The following GSK3B variants were observed in gnomAD, a reference collection of about 807,000 sequenced individuals.
The protein encoded by GSK3B is glycogen synthase kinase 3 beta.
A neutral mutation model predicts 56.4 loss-of-function variants in GSK3B; 15 were observed. The ratio of observed to expected loss-of-function variants is 0.27; its 90% confidence interval spans 0.18 to 0.41. GSK3B has a LOEUF of 0.41. Among genes scored for constraint, GSK3B ranks in the 10% least tolerant of loss-of-function variants. The pLI is 1.00. For synonymous variants in GSK3B, 181 were observed against 188.9 expected (o/e 0.96, Z 0.34); for missense variants, 300 against 513.4 (o/e 0.58, Z 4.02).
In GSK3B at chr3:120,094,133, G is replaced by A; in HGVS notation, c.-699C>T. The A allele has an allele frequency of 4.3e-6, 1 of 230,064 alleles. No individual in the cohort carries two copies. Among genetic ancestry groups the A allele is most frequent in the Non-Finnish European group, 8.7e-6 (1 of 115,430 alleles). 14.3% of individuals were successfully genotyped at this position (230,064 alleles called of 1,614,324 possible). A position where few individuals can be genotyped will look rare whatever the true frequency, so the allele number is the denominator to read the frequency against. On this transcript the variant is annotated 5_prime_UTR_variant, in exon 1 of 11. Coordinates refer to ENST00000264235, the MANE Select transcript of GSK3B (RefSeq NM_001146156.2). ...AGCGGCCATGGCGGTGGCGGAGGCAGCTCCCTTCAGACCCCAGGCAGCGGC... is the reference window on the plus strand; with the variant it reads ...AGCGGCCATGGCGGTGGCGGAGGCAACTCCCTTCAGACCCCAGGCAGCGGC...
At chr3:120,061,945 T>C (rs980927054) in intron 1 of GSK3B, among the ~76,000 whole-genome samples, 1 of 152,100 alleles carries the variant, frequency 6.6e-6, no homozygotes. Flanking sequence ...TTGGTCACGG[T>C]GGTCTCGAAC....
At chr3:119,828,829 T>C (rs2055557441) in intron 10 of GSK3B, among the ~76,000 whole-genome samples, 1 of 152,242 alleles carries the variant, frequency 6.6e-6, no homozygotes, top group Non-Finnish European at 1.5e-5. Flanking sequence ...ATGTGAATGA[T>C]TAGGTTTAAT....
intron 10 of GSK3B, among the ~76,000 whole-genome samples, chr3:119,842,559 A>C (rs765067760): frequency 6.6e-6 from 1 of 152,198 alleles, no homozygotes; most frequent in Non-Finnish European, 1.5e-5. Flanking sequence ...TTTCAGCTAT[A>C]AACATCTCAT....
intron 1 of GSK3B, among the ~76,000 whole-genome samples, chr3:120,009,443 T>C (rs776655846): frequency 2.6e-5 from 4 of 152,138 alleles, no homozygotes; most frequent in Non-Finnish European, 4.4e-5. Flanking sequence ...CAAATGTCCA[T>C]CAGTGATAGA....
At chr3:119,947,215 G>C in intron 3 of GSK3B, 53 bp downstream of exon 3, 1 of 1,078,628 alleles carries the variant, frequency 9.3e-7, no homozygotes, top group Non-Finnish European at 1.4e-6. Flanking sequence ...TTAATTTCTA[G>C]AAAAATAACA....
chr3:119,972,446 G>T (rs1158996478), intron 2 of GSK3B, among the ~76,000 whole-genome samples: 1 of 151,654 alleles, frequency 6.6e-6, no homozygotes, highest in Non-Finnish European at 1.5e-5. Flanking sequence ...TTGTTTGTTT[G>T]TTTTTTTGAG....
intron 1 of GSK3B, among the ~76,000 whole-genome samples, chr3:120,071,090 G>A (rs1217140817): frequency 1.3e-5 from 2 of 152,184 alleles, no homozygotes; most frequent in African/African-American, 2.4e-5. Flanking sequence ...AGTCCTTTGA[G>A]GGATGCTATA....
chr3:120,080,568 T>A (rs1338220563), intron 1 of GSK3B, among the ~76,000 whole-genome samples: 1 of 152,114 alleles, frequency 6.6e-6, no homozygotes, highest in Non-Finnish European at 1.5e-5. Context: ...CAGTGGCTCA[T>A]GCCTGTAATC....
intron 2 of GSK3B, among the ~76,000 whole-genome samples, chr3:119,967,578 T>A (rs1192058073): frequency 1.3e-5 from 2 of 152,084 alleles, no homozygotes; most frequent in Non-Finnish European, 2.9e-5. Context: ...GAAAGAGAAT[T>A]CAGAGTCCAA....
chr3:120,039,885 G>A (rs938000646), intron 1 of GSK3B, among the ~76,000 whole-genome samples: 3 of 152,088 alleles, frequency 2.0e-5, no homozygotes, highest in Admixed American at 6.5e-5. Flanking sequence ...ACAAATCTGC[G>A]GGCTCATCCG....
chr3:119,877,264 GCTGTCC>G (rs1305239133), intron 7 of GSK3B, among the ~76,000 whole-genome samples: 2 of 152,074 alleles, frequency 1.3e-5, no homozygotes, highest in Non-Finnish European at 2.9e-5. Flanking sequence ...AGATTATACA[GCTGTCC>G]CTTGGTATTC....
At chr3:119,901,530 A>C (rs2056625117) in intron 7 of GSK3B, among the ~76,000 whole-genome samples, 1 of 152,204 alleles carries the variant, frequency 6.6e-6, no homozygotes, top group Admixed American at 6.5e-5. Context: ...AGTGAGGAAA[A>C]TTAAAAATGT....
intron 10 of GSK3B, among the ~76,000 whole-genome samples, chr3:119,827,630 A>G (rs1200942186): frequency 6.6e-6 from 1 of 151,470 alleles, no homozygotes; most frequent in Non-Finnish European, 1.5e-5. Context: ...GAGAAGAAAG[A>G]AAAGAGAAAA....
intron 9 of GSK3B, among the ~76,000 whole-genome samples, chr3:119,844,347 CAG>C (rs1577310590): frequency 7.2e-6 from 1 of 138,006 alleles, no homozygotes; most frequent in Non-Finnish European, 1.6e-5. Context: ...CAGAAGGAGA[CAG>C]AGACACAAAA....
intron 1 of GSK3B, among the ~76,000 whole-genome samples, chr3:120,010,074 T>C (rs1275088923): frequency 1.3e-5 from 2 of 152,190 alleles, no homozygotes; most frequent in East Asian, 3.8e-4. Context: ...CATTTTTATT[T>C]ACAGCAGTAT....
chr3:119,946,940 T>C (rs2057105620), intron 3 of GSK3B, among the ~76,000 whole-genome samples: 1 of 151,424 alleles, frequency 6.6e-6, no homozygotes, highest in South Asian at 2.1e-4. Flanking sequence ...CTGCAATAAA[T>C]AGGTAAACTA....
chr3:119,905,066 TAAAAG>T lies in GSK3B; in HGVS notation c.813+684_813+688del, dbSNP rs1296402288. ...ATTAAAATCTCAGCTCTACTGTTCT[TAAAAG>T]AAAACATATATTCTAAGATAATATT... On this transcript the variant is annotated intron_variant, in intron 7 of 10. Transcript: ENST00000264235. Among the ~76,000 whole-genome samples, 9 of 151,660 alleles carry T rather than the reference TAAAAG, an allele frequency of 5.9e-5. No individual in the cohort carries two copies. The East Asian group carries it at 1.3e-3, about 23-fold the overall frequency.
intron 2 of GSK3B, among the ~76,000 whole-genome samples, chr3:119,965,795 C>T (rs2057313599): frequency 6.6e-6 from 1 of 151,502 alleles, no homozygotes; most frequent in Non-Finnish European, 1.5e-5. Context: ...AGAGTGTCTG[C>T]CAAAAATAAT....
intron 10 of GSK3B, chr3:119,833,026 T>C (rs976027610): frequency 1.0e-5 from 10 of 954,840 alleles, no homozygotes; most frequent in African/African-American, 1.8e-5. Context: ...CATGGATTAA[T>C]GGTCAACTGT....
Sources: allele counts gnomAD v4.1 joint callset (sites outside exome capture counted in the v4.1 genomes callset), GRCh38; gene constraint gnomAD v4.1.1; transcripts MANE v1.5; gene names NCBI Gene and HGNC (gene_info 2026-07-23, HGNC 2026-07-21).